The following PAK3 variants were observed in gnomAD, a reference collection of about 807,000 sequenced individuals.
PAK3 encodes p21 (RAC1) activated kinase 3.
In PAK3, 4 loss-of-function variants were observed where a neutral mutation model predicts 41.0. The observed-to-expected ratio is 0.10, with a 90% confidence interval of 0.05 to 0.22. The LOEUF (loss-of-function observed/expected upper bound fraction) is 0.22. Among genes scored for constraint, PAK3 ranks in the 10% least tolerant of loss-of-function variants. The probability of loss-of-function intolerance (pLI) is 1.00; values close to 1 mark genes in which losing one functional copy is unlikely to be tolerated. For missense variants in PAK3, 205 were observed against 409.9 expected (o/e 0.50, Z 4.32); for synonymous variants, 146 against 139.6 (o/e 1.05, Z -0.32).
At chrX:111,142,987 A>G (rs2093893833) in intron 6 of PAK3, among the ~76,000 whole-genome samples, 2 of 110,312 alleles carry the variant, frequency 1.8e-5, no homozygotes, top group Non-Finnish European at 3.8e-5. Context: ...TATCTTTTTT[A>G]TTTTATTTTA....
chrX:111,144,838 A>G (rs1280885735), intron 6 of PAK3: 5 of 1,036,914 alleles, frequency 4.8e-6, no homozygotes, highest in Admixed American at 2.5e-5. Flanking sequence ...TTATATTGCC[A>G]TTTTTGTCCC....
intron 5 of PAK3, among the ~76,000 whole-genome samples, chrX:111,137,926 C>A (rs992001390): frequency 2.7e-5 from 3 of 111,518 alleles, no homozygotes; most frequent in African/African-American, 9.8e-5. Flanking sequence ...CAAATGCTCA[C>A]AGAATTTTGC....
intron 1 of PAK3, among the ~76,000 whole-genome samples, chrX:111,002,275 G>A (rs2091860069): frequency 8.9e-6 from 1 of 111,886 alleles, no homozygotes; most frequent in Non-Finnish European, 1.9e-5. Flanking sequence ...AGGTAAGTGA[G>A]GCTAAGAGAT....
chrX:110,950,439 G>A (rs771510159), intron 1 of PAK3, among the ~76,000 whole-genome samples: 1 of 111,474 alleles, frequency 9.0e-6, no homozygotes, highest in Non-Finnish European at 1.9e-5. Flanking sequence ...TTTAAGTTCT[G>A]GGATACATGT....
intron 1 of PAK3, among the ~76,000 whole-genome samples, chrX:110,959,701 C>G (rs773558761): frequency 9.0e-6 from 1 of 111,303 alleles, no homozygotes; most frequent in East Asian, 2.8e-4. Context: ...CACATCAGTT[C>G]TCTTGCAGCT....
chrX:110,947,367 A>G (rs1376028358), intron 1 of PAK3, among the ~76,000 whole-genome samples: 1 of 112,011 alleles, frequency 8.9e-6, no homozygotes, highest in Non-Finnish European at 1.9e-5. Context: ...GGTATCAGGC[A>G]GTATCTCTAA....
At chrX:111,130,694 T>C (rs770877269) in intron 5 of PAK3, among the ~76,000 whole-genome samples, 1 of 112,101 alleles carries the variant, frequency 8.9e-6, no homozygotes, top group South Asian at 3.7e-4. Flanking sequence ...AATCCTCTTT[T>C]CTCAGTAGTT....
chrX:111,028,298 C>T (rs1433712841), intron 1 of PAK3, among the ~76,000 whole-genome samples: 1 of 108,768 alleles, frequency 9.2e-6, no homozygotes, highest in Non-Finnish European at 1.9e-5. Flanking sequence ...GTAGAGTGTA[C>T]ACTGCTCGGG....
At chrX:111,021,607 A>G (rs1251563214) in intron 1 of PAK3, among the ~76,000 whole-genome samples, 1 of 110,961 alleles carries the variant, frequency 9.0e-6, no homozygotes, top group Non-Finnish European at 1.9e-5. Context: ...GTAATACGAC[A>G]AAACAAGGTT....
intron 1 of PAK3, among the ~76,000 whole-genome samples, chrX:110,960,639 G>A (rs1026859588): frequency 1.1e-4 from 12 of 110,873 alleles, no homozygotes; most frequent in Non-Finnish European, 2.3e-4. Flanking sequence ...ACCACTGGAG[G>A]GGAGGGTTCT....
At chrX:111,193,159 A>G (rs949948846) in intron 13 of PAK3, among the ~76,000 whole-genome samples, 1 of 110,934 alleles carries the variant, frequency 9.0e-6, no homozygotes, top group East Asian at 2.8e-4. Flanking sequence ...CATCTGTCTC[A>G]TTCAATTTCA....
Position 111,073,990 on chromosome X carries a change from A to G in PAK3, c.-27-49087A>G, listed in dbSNP as rs756516615. On this transcript the variant is annotated intron_variant, in intron 1 of 14. Transcript: ENST00000425146. ...ACTAGCAAGATAAATTCAACAGCACATTAAAAATAACATTCTTTATGATCA... is the reference window on the plus strand; with the variant it reads ...ACTAGCAAGATAAATTCAACAGCACGTTAAAAATAACATTCTTTATGATCA... Among the ~76,000 whole-genome samples the G allele has an allele frequency of 5.3e-5, 6 of 112,341 alleles. No individual in the cohort carries two copies. The South Asian group carries it at 2.3e-3, about 42-fold the overall frequency.
intron 4 of PAK3, among the ~76,000 whole-genome samples, chrX:111,103,513 G>T (rs1244719594): frequency 8.9e-6 from 1 of 112,136 alleles, no homozygotes; most frequent in African/African-American, 3.2e-5. Context: ...GGGAATGACA[G>T]CCTTGACCTA....
chrX:111,009,409 C>T (rs555135293), intron 1 of PAK3, among the ~76,000 whole-genome samples: 3 of 112,023 alleles, frequency 2.7e-5, no homozygotes, highest in African/African-American at 9.7e-5. Context: ...CAGAATGGGA[C>T]TGGTGAAGCC....
intron 1 of PAK3, among the ~76,000 whole-genome samples, chrX:110,989,162 TG>T (rs778631008): frequency 2.7e-5 from 3 of 111,856 alleles, no homozygotes; most frequent in Admixed American, 9.5e-5. Context: ...CAGTTCATTA[TG>T]GTCCTGTGGG....
At chrX:110,982,409 GAC>G (rs1445933264) in intron 1 of PAK3, among the ~76,000 whole-genome samples, 2 of 111,907 alleles carry the variant, frequency 1.8e-5, no homozygotes, top group Non-Finnish European at 3.8e-5. Context: ...ATGAAATGGT[GAC>G]ACTGATCATA....
chrX:111,160,679 A>G (rs1482763978), intron 8 of PAK3, among the ~76,000 whole-genome samples: 11 of 107,464 alleles, frequency 1.0e-4, no homozygotes, highest in East Asian at 2.9e-4. Context: ...ATGTGTTCTC[A>G]TTGTTCAATT....
intron 1 of PAK3, among the ~76,000 whole-genome samples, chrX:111,047,627 A>T (rs889884193): frequency 9.0e-6 from 1 of 111,364 alleles, no homozygotes; most frequent in Non-Finnish European, 1.9e-5. Context: ...TCCGCATAGA[A>T]TACACACAGG....
At chrX:111,207,846 G>A (rs377347937) in intron 16 of PAK3, among the ~76,000 whole-genome samples, 15 of 112,349 alleles carry the variant, frequency 1.3e-4, no homozygotes, top group East Asian at 8.4e-4. Context: ...CCAGGCTGGA[G>A]TGCAGTTGTG....
Sources: gnomAD v4.1 joint callset for allele counts (sites outside exome capture counted in the v4.1 genomes callset) on GRCh38, gnomAD v4.1.1 for gene constraint, MANE v1.5 for transcripts, NCBI Gene and HGNC (gene_info 2026-07-23, HGNC 2026-07-21) for gene names.